Variants in PRKN observed in about 807,000 individuals in gnomAD.
The protein encoded by PRKN is parkin RBR E3 ubiquitin protein ligase.
A neutral mutation model predicts 59.5 loss-of-function variants in PRKN; 56 were observed. The observed-to-expected ratio is 0.94, with a 90% CI of 0.76 to 1.18. The LOEUF (loss-of-function observed/expected upper bound fraction) is 1.18, where lower values mean the gene tolerates loss of function less well. Ranked by LOEUF, PRKN falls within the 50% of genes most tolerant of loss-of-function variation. The probability of loss-of-function intolerance (pLI) is 0.00; values close to 1 mark genes in which losing one functional copy is unlikely to be tolerated. For synonymous variants in PRKN, 250 were observed against 222.1 expected, an observed-to-expected ratio of 1.13 and a Z score of -1.12; for missense variants, 657 against 596.4, an observed-to-expected ratio of 1.10 and a Z score of -1.06.
intron 11 of PRKN, among the ~76,000 whole-genome samples, chr6:161,350,593 T>A (rs1784491473): frequency 1.5e-5 from 2 of 133,226 alleles, no homozygotes; most frequent in South Asian, 4.4e-4. Flanking sequence ...ATAAATATAT[T>A]TTTATATATT....
intron 9 of PRKN, among the ~76,000 whole-genome samples, chr6:161,426,676 C>CACAT (rs11271613): frequency 0.24 from 33,961 of 142,620 alleles, 5,033 homozygotes; most frequent in East Asian, 0.67. Flanking sequence ...CACACACACA[C>CACAT]CTCCTATTAG....
At chr6:162,358,903 T>TA (rs1437857749) in intron 2 of PRKN, among the ~76,000 whole-genome samples, 6 of 150,802 alleles carry the variant, frequency 4.0e-5, no homozygotes, top group Admixed American at 6.6e-5. Context: ...CTACTAAAAA[T>TA]AAAAAAATTA....
At chr6:162,022,469 A>C (rs1419804800) in intron 5 of PRKN, among the ~76,000 whole-genome samples, 2 of 152,106 alleles carry the variant, frequency 1.3e-5, no homozygotes, top group East Asian at 3.9e-4. Flanking sequence ...GGCTGCCTAT[A>C]TGTCTTCTTT....
In PRKN at chr6:162,221,628, T is replaced by G. The variant is rs117505638; in HGVS notation, c.413-20376A>C. Among the ~76,000 whole-genome samples the G allele has an allele frequency of 1.0e-3, 155 of 152,236 alleles. 1 individual carries two copies. The highest frequency in any genetic ancestry group is 1.2e-3 in the Admixed American group (18 of 15,286). On this transcript the variant is annotated intron_variant, in intron 3 of 11. Transcript: ENST00000366898. Reference sequence around the variant, plus strand: ...ATACCTCAGTCTCCCAAGCCAAAATTTGACATAGACTATGCTTCTCCGGCC... The same window carrying G: ...ATACCTCAGTCTCCCAAGCCAAAATGTGACATAGACTATGCTTCTCCGGCC...
intron 7 of PRKN, among the ~76,000 whole-genome samples, chr6:161,587,872 T>C (rs1407151045): frequency 6.6e-6 from 1 of 152,166 alleles, no homozygotes; most frequent in East Asian, 1.9e-4. Context: ...TCTAGTAACA[T>C]CACCTCTTAA....
chr6:162,515,044 T>C (rs1408708152), intron 1 of PRKN, among the ~76,000 whole-genome samples: 1 of 151,926 alleles, frequency 6.6e-6, no homozygotes, highest in African/African-American at 2.4e-5. Context: ...AAGCATGGTA[T>C]TGAATATCCT....
At chr6:162,543,866 C>T (rs1218804672) in intron 1 of PRKN, among the ~76,000 whole-genome samples, 2 of 152,128 alleles carry the variant, frequency 1.3e-5, no homozygotes, top group Non-Finnish European at 2.9e-5. Context: ...AAGGTGCAGG[C>T]CCAGCAAAGG....
Position 161,350,329 on chromosome 6 carries a change from T to C in PRKN, c.1286-118A>G, listed in dbSNP as rs74497568. ...TTTCTGAGCGAATAATCACAAGCAA[T>C]ACAAGGGCAGAGAGAAACTTAACTG... On this transcript the variant is annotated intron_variant, in intron 11 of 11. Transcript: ENST00000366898. The C allele has an allele frequency of 0.13, 90,161 of 712,830 alleles. 6,353 individuals are homozygous for C. Among genetic ancestry groups the C allele is most frequent in the South Asian group, 0.17 (11,261 of 64,440 alleles). 44.2% of individuals were successfully genotyped at this position (712,830 alleles called of 1,614,324 possible).
intron 7 of PRKN, among the ~76,000 whole-genome samples, chr6:161,770,063 G>A (rs572262612): frequency 2.6e-5 from 4 of 152,192 alleles, no homozygotes; most frequent in East Asian, 1.9e-4. Context: ...CAAAGCACAG[G>A]AAAGTTAGGA....
chr6:162,104,714 T>C (rs528391777), intron 4 of PRKN, among the ~76,000 whole-genome samples: 3 of 152,144 alleles, frequency 2.0e-5, no homozygotes, highest in Non-Finnish European at 4.4e-5. Flanking sequence ...CTGGTCCACG[T>C]TCCACACTTT....
At chr6:162,044,079 C>A (rs1176911217) in intron 5 of PRKN, among the ~76,000 whole-genome samples, 1 of 152,202 alleles carries the variant, frequency 6.6e-6, no homozygotes, top group Non-Finnish European at 1.5e-5. Flanking sequence ...TTTATTCACA[C>A]TTTGCCAGGG....
At chr6:161,821,862 C>T (rs989596385) in intron 6 of PRKN, among the ~76,000 whole-genome samples, 20 of 150,716 alleles carry the variant, frequency 1.3e-4, no homozygotes, top group African/African-American at 4.1e-4. Context: ...GATTCTCCTG[C>T]CTCAGCCTCC....
chr6:162,007,753 A>G (rs1303542544), intron 5 of PRKN, among the ~76,000 whole-genome samples: 2 of 152,190 alleles, frequency 1.3e-5, no homozygotes, highest in African/African-American at 4.8e-5. Context: ...AAAGGCATGC[A>G]ATATGGTTCC....
chr6:161,869,946 T>C (rs1794277537), intron 6 of PRKN, among the ~76,000 whole-genome samples: 1 of 152,224 alleles, frequency 6.6e-6, no homozygotes, highest in Non-Finnish European at 1.5e-5. Context: ...TTTCAGAAGA[T>C]TTCAGCCCAT....
intron 1 of PRKN, among the ~76,000 whole-genome samples, chr6:162,580,950 T>C (rs1780767108): frequency 6.6e-6 from 1 of 152,174 alleles, no homozygotes; most frequent in Non-Finnish European, 1.5e-5. Context: ...TACAATGGAA[T>C]GTCTAGCATA....
In PRKN at chr6:162,647,820, CCT is replaced by C. The variant is rs539159071; in HGVS notation, c.7+79840_7+79841del. 1.2e-4 allele frequency among the ~76,000 whole-genome samples: 18 copies of C among 151,978 alleles called. No homozygotes were observed. In the South Asian group the frequency reaches 3.5e-3, roughly 30 times the overall value. On this transcript the variant is annotated intron_variant, in intron 1 of 11. Coordinates refer to ENST00000366898, the MANE Select transcript of PRKN (RefSeq NM_004562.3). ...TTTATATTCCTTTTCTTGTCTCTTT[CCT>C]CTGTCACCACTTTATCTATCACTCC... is the stretch of plus-strand genomic sequence containing the variant.
intron 2 of PRKN, among the ~76,000 whole-genome samples, chr6:162,291,410 TG>T (rs1156863233): frequency 1.2e-5 from 1 of 81,382 alleles, no homozygotes; most frequent in Non-Finnish European, 2.5e-5. Context: ...ATGGGTGGGA[TG>T]GGGGGGAAGG....
At chr6:162,229,661 A>G (rs753623655) in intron 3 of PRKN, among the ~76,000 whole-genome samples, 40 of 152,198 alleles carry the variant, frequency 2.6e-4, no homozygotes, top group Non-Finnish European at 5.0e-4. Context: ...ACCAAACTCA[A>G]TATCTGCCCT....
intron 1 of PRKN, among the ~76,000 whole-genome samples, chr6:162,472,291 G>A (rs537354502): frequency 2.0e-5 from 3 of 151,188 alleles, no homozygotes; most frequent in South Asian, 2.1e-4. Context: ...TGCCATGTGG[G>A]TGTGCTGCCC....
Sources: gnomAD v4.1 joint callset for allele counts (sites outside exome capture counted in the v4.1 genomes callset) on GRCh38, gnomAD v4.1.1 for gene constraint, MANE v1.5 for transcripts, NCBI Gene and HGNC (gene_info 2026-07-23, HGNC 2026-07-21) for gene names.